IQGAP1: variants seen among roughly 807,000 people sequenced by gnomAD.
IQGAP1 encodes IQ motif containing GTPase activating protein 1.
Under a neutral mutation model 215.6 loss-of-function variants are expected in IQGAP1, and 66 were observed. That is an observed-to-expected ratio of 0.31 (90% CI 0.25 to 0.38). The LOEUF is 0.38. Among genes scored for constraint, IQGAP1 ranks in the 10% least tolerant of loss-of-function variants. The probability of loss-of-function intolerance (pLI) is 1.00; values close to 1 mark genes in which losing one functional copy is unlikely to be tolerated. For missense variants in IQGAP1, 1,712 were observed against 1,997.1 expected, an observed-to-expected ratio of 0.86 and a Z score of 2.72; for synonymous variants, 772 against 728.7, an observed-to-expected ratio of 1.06 and a Z score of -0.96.
intron 2 of IQGAP1, among the ~76,000 whole-genome samples, chr15:90,396,588 G>A (rs575130786): frequency 1.3e-5 from 2 of 152,176 alleles, no homozygotes; most frequent in African/African-American, 2.4e-5. Flanking sequence ...AGTATGGGGT[G>A]AGATTTATTC....
intron 18 of IQGAP1, among the ~76,000 whole-genome samples, chr15:90,471,499 A>G (rs914658880): frequency 1.4e-5 from 2 of 144,424 alleles, no homozygotes; most frequent in Non-Finnish European, 3.0e-5. Flanking sequence ...TACCTCATGA[A>G]GTCTTTTTTT....
At chr15:90,488,537 G>C (rs1966161548) in intron 33 of IQGAP1, among the ~76,000 whole-genome samples, 1 of 152,074 alleles carries the variant, frequency 6.6e-6, no homozygotes, top group South Asian at 2.1e-4. Flanking sequence ...ACAGAATGTG[G>C]CTCCTAAACT....
intron 9 of IQGAP1, among the ~76,000 whole-genome samples, chr15:90,446,948 C>T (rs1650850395): frequency 1.3e-5 from 2 of 151,960 alleles, no homozygotes; most frequent in South Asian, 2.1e-4. Flanking sequence ...AGTATGTGTA[C>T]ACTTCTAGAA....
intron 28 of IQGAP1, 60 bp downstream of exon 28, chr15:90,482,341 C>A: frequency 1.3e-6 from 2 of 1,510,166 alleles, no homozygotes; most frequent in Non-Finnish European, 1.8e-6. Flanking sequence ...AAAACCAGGG[C>A]TGACCATAGA....
intron 36 of IQGAP1, among the ~76,000 whole-genome samples, chr15:90,496,289 A>G (rs1966271852): frequency 7.2e-6 from 1 of 139,580 alleles, no homozygotes; most frequent in African/African-American, 3.0e-5. Flanking sequence ...TTGATCATCC[A>G]GAGAACAGCA....
At chr15:90,481,111 C>G (rs7169182) in intron 26 of IQGAP1, among the ~76,000 whole-genome samples, 28,900 of 151,874 alleles carry the variant, frequency 0.19, 2,860 homozygotes, top group South Asian at 0.23. Flanking sequence ...GAGCCACGCT[C>G]CCTGCAGAGG....
intron 15 of IQGAP1, among the ~76,000 whole-genome samples, chr15:90,464,362 C>T (rs569509927): frequency 2.7e-4 from 41 of 152,190 alleles, no homozygotes; most frequent in Non-Finnish European, 5.1e-4. Flanking sequence ...CTTTTGAGAT[C>T]GTTGAAACCT....
In IQGAP1 at chr15:90,501,814, A is replaced by G. The variant is rs1345050698; in HGVS notation, c.*1706A>G. 6.6e-6 allele frequency: 1 copy of G among 152,194 alleles called. No homozygotes were observed. Among genetic ancestry groups the G allele is most frequent in the Non-Finnish European group, 1.5e-5 (1 of 68,042 alleles). The allele number at this position is 152,194 out of a possible 1,614,324, so 9.4% of individuals were successfully genotyped here. A position where few individuals can be genotyped will look rare whatever the true frequency, so the allele number is the denominator to read the frequency against. ...CAAAGTGTGTCAACCCTGTTTCCTT[A>G]AAAGAGGCTATGAATCCCAAAGGCC... On this transcript the variant is annotated 3_prime_UTR_variant, in exon 38 of 38. Transcript: ENST00000268182.
chr15:90,446,142 G>A (rs536121805), intron 9 of IQGAP1, among the ~76,000 whole-genome samples: 79 of 152,172 alleles, frequency 5.2e-4, no homozygotes, highest in South Asian at 4.4e-3. Context: ...GAAAGTCCAC[G>A]ATGTTTCCTG....
chr15:90,426,896 T>C (rs1397989171), intron 3 of IQGAP1, among the ~76,000 whole-genome samples: 1 of 145,396 alleles, frequency 6.9e-6, no homozygotes, highest in Non-Finnish European at 1.5e-5. Flanking sequence ...GAGGTTGCAG[T>C]GAGCCGAGAT....
chr15:90,426,155 AC>A lies in IQGAP1; in HGVS notation c.202del (p.Leu68TrpfsTer22). ...GGGAAGATCTGCCTCCCACCACAGA[AC>A]TGGAGGAGGGGCTTAGGAATGGGGT... ...LGEDLPPTTELEEGLRNGVYL... is the reference protein window; with the variant it reads ...LGEDLPPTTEXEEGLRNGVYL... On this transcript the variant is annotated frameshift_variant, in exon 3 of 38. Coordinates refer to ENST00000268182, the MANE Select transcript of IQGAP1 (RefSeq NM_003870.4). LOFTEE classifies it high-confidence loss of function. 4.4e-6 allele frequency: 7 copies of A among 1,605,822 alleles called. No homozygotes were observed. The highest frequency in any genetic ancestry group is 5.9e-6 in the Non-Finnish European group (7 of 1,176,796).
intron 3 of IQGAP1, 56 bp from the exon 4 acceptor site, chr15:90,429,533 A>T: frequency 1.5e-6 from 2 of 1,315,222 alleles, no homozygotes; most frequent in Admixed American, 2.4e-5. Flanking sequence ...GAGAGTTTTT[A>T]TTTAATATTT....
chr15:90,426,033 G>C, intron 2 of IQGAP1, 77 bp from the exon 3 acceptor site: 1 of 1,402,552 alleles, frequency 7.1e-7, no homozygotes, highest in South Asian at 1.4e-5. Flanking sequence ...AAGGAGAATG[G>C]AAATAAAGCT....
At position 90,432,270 on chromosome 15, in the gene IQGAP1, C is replaced by G. The variant is rs145699367; in HGVS notation, c.391-1449C>G. Among the ~76,000 whole-genome samples the G allele has an allele frequency of 3.5e-3, 534 of 152,252 alleles. 4 individuals are homozygous for G. The highest frequency in any genetic ancestry group is 6.1e-3 in the Non-Finnish European group (414 of 67,998). On this transcript the variant is annotated intron_variant, in intron 4 of 37. Transcript: ENST00000268182. ...CATCATTTTCCCAGTCATCCAGTCT[C>G]AAAACCTTGGAGATACCTTGAACTT...
chr15:90,499,348 G>A (rs1966313076), intron 37 of IQGAP1, among the ~76,000 whole-genome samples: 1 of 152,122 alleles, frequency 6.6e-6, no homozygotes, highest in South Asian at 2.1e-4. Context: ...TAGAATAATC[G>A]CACCTCATAA....
At chr15:90,486,849 A>G (rs1243768617) in intron 31 of IQGAP1, 105 bp from the exon 32 acceptor site, 13 of 1,158,800 alleles carry the variant, frequency 1.1e-5, no homozygotes, top group African/African-American at 3.1e-5. Flanking sequence ...GTGTTAGGTG[A>G]TTCAAGTATT....
intron 2 of IQGAP1, among the ~76,000 whole-genome samples, chr15:90,410,390 T>C (rs1224742361): frequency 6.6e-6 from 1 of 152,208 alleles, no homozygotes; most frequent in Non-Finnish European, 1.5e-5. Context: ...TGCGCACGTA[T>C]GTTTACTGCG....
chr15:90,456,727 A>G (rs1965685636), intron 15 of IQGAP1, among the ~76,000 whole-genome samples: 1 of 150,496 alleles, frequency 6.6e-6, no homozygotes, highest in Non-Finnish European at 1.5e-5. Flanking sequence ...AAAAAAAAAA[A>G]AAATACAAAA....
chr15:90,395,783 G>C (rs1023715809), intron 2 of IQGAP1, among the ~76,000 whole-genome samples: 5 of 152,178 alleles, frequency 3.3e-5, no homozygotes, highest in African/African-American at 1.2e-4. Flanking sequence ...AACGTGTCAG[G>C]CAGGACAGAA....
Sources: allele counts gnomAD v4.1 joint callset (sites outside exome capture counted in the v4.1 genomes callset), GRCh38; gene constraint gnomAD v4.1.1; transcripts MANE v1.5; gene names NCBI Gene and HGNC (gene_info 2026-07-23, HGNC 2026-07-21).